Variants in RBMS2 observed in about 807,000 individuals in gnomAD.
RBMS2 encodes RNA binding motif single stranded interacting protein 2, also known as RNA-binding motif, single-stranded-interacting protein 2.
In RBMS2, 38 loss-of-function variants were observed where a neutral mutation model predicts 58.4. The observed-to-expected ratio is 0.65, with a 90% CI of 0.50 to 0.85. RBMS2 has a LOEUF of 0.85. RBMS2 is among the 40% of genes least tolerant of loss of function. The pLI is 0.00. For synonymous variants in RBMS2, 151 were observed against 180.7 expected (o/e 0.84, Z 1.32); for missense variants, 367 against 503.7 (o/e 0.73, Z 2.60).
chr12:56,523,630 C>T (rs1232651430), intron 1 of RBMS2, among the ~76,000 whole-genome samples: 3 of 151,952 alleles, frequency 2.0e-5, no homozygotes, highest in Admixed American at 6.6e-5. Context: ...CTTGGTGGCA[C>T]GCGCCTGTAA....
Position 56,532,997 on chromosome 12 carries a change from C to T in RBMS2, c.66+10908C>T, listed in dbSNP as rs189642637. On this transcript the variant is annotated intron_variant, in intron 1 of 13. Coordinates refer to ENST00000262031, the MANE Select transcript of RBMS2 (RefSeq NM_002898.4). ...TCACTCGGGCTGGAGTGCAGTGGCT[C>T]GATCGTGGCTCACTGCAGCCTCGAC... is the stretch of plus-strand genomic sequence containing the variant. Among the ~76,000 whole-genome samples the T allele has an allele frequency of 5.4e-3, 813 of 151,048 alleles. 6 individuals carry two copies. The highest frequency in any genetic ancestry group is 0.018 in the African/African-American group (760 of 41,088).
intron 10 of RBMS2, 38 bp from the exon 11 acceptor site, chr12:56,587,516 A>C: frequency 6.2e-7 from 1 of 1,602,418 alleles, no homozygotes; most frequent in Non-Finnish European, 8.5e-7. Context: ...GCCTCACAGG[A>C]TGCTGCAGCT....
intron 11 of RBMS2, among the ~76,000 whole-genome samples, chr12:56,588,019 G>A (rs1425790896): frequency 1.3e-5 from 2 of 152,146 alleles, no homozygotes; most frequent in African/African-American, 4.8e-5. Context: ...ATTCCTTTTT[G>A]CATAGAAAGG....
chr12:56,584,452 T>C (rs1884391269), intron 9 of RBMS2, among the ~76,000 whole-genome samples: 1 of 151,680 alleles, frequency 6.6e-6, no homozygotes, highest in Admixed American at 6.6e-5. Context: ...AAAAAAAGTT[T>C]AAAATTTCTA....
intron 5 of RBMS2, among the ~76,000 whole-genome samples, chr12:56,573,648 A>G (rs1882697201): frequency 6.6e-6 from 1 of 152,008 alleles, no homozygotes; most frequent in Admixed American, 6.6e-5. Context: ...GAGGTTCTTA[A>G]CCTTTCTCAG....
intron 5 of RBMS2, among the ~76,000 whole-genome samples, chr12:56,578,635 G>A (rs1241771400): frequency 6.6e-6 from 1 of 152,136 alleles, no homozygotes. Context: ...ATAAGTAGAT[G>A]GGAGTGGAAA....
rs1203233931 is a variant in RBMS2 at position 56,582,271 on chromosome 12, AT to A, written c.873+123del. 26 of 839,982 alleles carry A rather than the reference AT, an allele frequency of 3.1e-5. No individual in the cohort carries two copies. In the Admixed American group the frequency reaches 7.2e-4, roughly 23 times the overall value. 52.0% of individuals were successfully genotyped at this position (839,982 alleles called of 1,614,324 possible). A position where few individuals can be genotyped will look rare whatever the true frequency, so the allele number is the denominator to read the frequency against. ...TTTCCTTTTAATCATATTACACACAATTTTACATAACAGCGTAAAAGATGAT... is the reference window on the plus strand; with the variant it reads ...TTTCCTTTTAATCATATTACACACAATTTACATAACAGCGTAAAAGATGAT... On this transcript the variant is annotated intron_variant, in intron 9 of 13. Coordinates refer to ENST00000262031, the MANE Select transcript of RBMS2 (RefSeq NM_002898.4).
chr12:56,542,810 G>A (rs960623363), intron 1 of RBMS2, among the ~76,000 whole-genome samples: 4 of 151,506 alleles, frequency 2.6e-5, no homozygotes, highest in African/African-American at 4.8e-5. Flanking sequence ...TCTGTCTCCC[G>A]AAGTGTTGGG....
chr12:56,574,861 G>A (rs981986332), intron 5 of RBMS2, among the ~76,000 whole-genome samples: 1 of 152,048 alleles, frequency 6.6e-6, no homozygotes. Flanking sequence ...AAAAATACCT[G>A]ACTTTGGCCG....
chr12:56,585,691 A>C (rs1050548721), intron 9 of RBMS2, among the ~76,000 whole-genome samples: 4 of 152,224 alleles, frequency 2.6e-5, no homozygotes, highest in Non-Finnish European at 1.5e-5. Flanking sequence ...ACTGCTATAA[A>C]CATTGATATA....
intron 1 of RBMS2, among the ~76,000 whole-genome samples, chr12:56,545,068 C>T (rs891555214): frequency 6.6e-6 from 1 of 152,042 alleles, no homozygotes; most frequent in African/African-American, 2.4e-5. Context: ...ACACTCCTTC[C>T]AGCCTTCCCC....
intron 2 of RBMS2, among the ~76,000 whole-genome samples, chr12:56,564,745 GGGTGGATCACCTGA>G (rs1157709486): frequency 2.0e-5 from 3 of 152,168 alleles, no homozygotes; most frequent in African/African-American, 4.8e-5. Flanking sequence ...AGGCCAAGAT[GGGTGGATCACCTGA>G]GGTCAGGAGT....
chr12:56,572,105 A>C (rs1178235403), intron 5 of RBMS2, among the ~76,000 whole-genome samples: 2 of 151,984 alleles, frequency 1.3e-5, no homozygotes, highest in Non-Finnish European at 2.9e-5. Flanking sequence ...CCTGGCAAAC[A>C]TGGTGAAACC....
chr12:56,564,067 C>T (rs1880901103), intron 2 of RBMS2, among the ~76,000 whole-genome samples: 1 of 151,708 alleles, frequency 6.6e-6, no homozygotes. Context: ...TGAGTCTCAG[C>T]CTCCCAAGTA....
At chr12:56,569,076 T>G in intron 3 of RBMS2, 43 bp downstream of exon 3, 2 of 1,539,804 alleles carry the variant, frequency 1.3e-6, no homozygotes, top group Non-Finnish European at 1.8e-6. Flanking sequence ...CACCAGTAAG[T>G]GAGGCCATCC....
At chr12:56,536,200 CAAAAA>C (rs71446560) in intron 1 of RBMS2, among the ~76,000 whole-genome samples, 13 of 76,434 alleles carry the variant, frequency 1.7e-4, no homozygotes, top group African/African-American at 5.1e-4. Context: ...AACTCTGTCT[CAAAAA>C]AAAAAAAAAA....
chr12:56,534,046 G>A (rs6581099), intron 1 of RBMS2, among the ~76,000 whole-genome samples: 68,279 of 151,924 alleles, frequency 0.45, 16,206 homozygotes, highest in East Asian at 0.6. Flanking sequence ...ATTTGAACCC[G>A]GGTAATCTAG....
At chr12:56,531,214 T>A (rs1422298458) in intron 1 of RBMS2, among the ~76,000 whole-genome samples, 1 of 152,174 alleles carries the variant, frequency 6.6e-6, no homozygotes, top group African/African-American at 2.4e-5. Flanking sequence ...GAGACAGTGT[T>A]ATTCAGTTTA....
intron 1 of RBMS2, among the ~76,000 whole-genome samples, chr12:56,547,608 C>T (rs879316173): frequency 6.6e-6 from 1 of 151,306 alleles, no homozygotes; most frequent in Non-Finnish European, 1.5e-5. Context: ...CTTTCATATT[C>T]TTATACCATT....
Sources: allele counts gnomAD v4.1 joint callset (sites outside exome capture counted in the v4.1 genomes callset), GRCh38; gene constraint gnomAD v4.1.1; transcripts MANE v1.5; gene names NCBI Gene and HGNC (gene_info 2026-07-23, HGNC 2026-07-21).